The following PPP1R13B variants were observed in gnomAD, a reference collection of about 807,000 sequenced individuals.
PPP1R13B encodes protein phosphatase 1 regulatory subunit 13B.
In PPP1R13B, 44 loss-of-function variants were observed where a neutral mutation model predicts 119.8. The observed-to-expected ratio is 0.37, with a 90% CI of 0.29 to 0.47. The LOEUF is 0.47. PPP1R13B is among the 20% of genes least tolerant of loss of function. PPP1R13B has a pLI of 0.99. For synonymous variants in PPP1R13B, 542 were observed against 561.5 expected (o/e 0.97, Z 0.49); for missense variants, 1,227 against 1,413.5 (o/e 0.87, Z 2.12).
intron 4 of PPP1R13B, among the ~76,000 whole-genome samples, chr14:103,768,142 T>A (rs2084979714): frequency 1.4e-5 from 2 of 146,938 alleles, no homozygotes; most frequent in South Asian, 4.3e-4. Flanking sequence ...TGAGATGGAG[T>A]CTCACTCTGT....
chr14:103,737,538 T>C, intron 15 of PPP1R13B, 156 bp downstream of exon 15: 1 of 968,606 alleles, frequency 1.0e-6, no homozygotes, highest in Non-Finnish European at 1.5e-6. Context: ...ATTGCGACAT[T>C]GCACTCCAGC....
intron 8 of PPP1R13B, 152 bp from the exon 9 acceptor site, chr14:103,746,705 G>A (rs889108685): frequency 3.3e-6 from 2 of 601,642 alleles, no homozygotes; most frequent in South Asian, 2.5e-5. Context: ...CATCTAGAAG[G>A]GGAGACTGTG....
chr14:103,757,289 A>G (rs924030569), intron 5 of PPP1R13B, among the ~76,000 whole-genome samples: 3 of 151,610 alleles, frequency 2.0e-5, no homozygotes, highest in Admixed American at 2.0e-4. Flanking sequence ...CCTGGGCTCC[A>G]GCAATCCTCC....
chr14:103,826,078 T>C (rs2152073178), intron 1 of PPP1R13B, among the ~76,000 whole-genome samples: 1 of 152,256 alleles, frequency 6.6e-6, no homozygotes, highest in South Asian at 2.1e-4. Flanking sequence ...GGTTTCACCA[T>C]GTTGGTCAGG....
At position 103,739,834 on chromosome 14, in the gene PPP1R13B, G is replaced by A. The variant is rs771777322; in HGVS notation, c.2582C>T (p.Ala861Val). The change falls in exon 12 of 17, where the codon GCC becomes GTC. Residue 861 changes from alanine to valine, a missense_variant. By Grantham distance (64) the Ala-to-Val change is moderately conservative. Coordinates refer to ENST00000202556, the MANE Select transcript of PPP1R13B (RefSeq NM_015316.3). ...AGCAATGACACCCACCGTGGAGGTG[G>A]CAGGAGGGTGGCTGGCAGGGGGAAG... Reference protein sequence around the residue: ...APLPPASHPPATSTNKRTNLK... With the variant: ...APLPPASHPPVTSTNKRTNLK... 14 of 1,607,186 alleles carry A rather than the reference G, an allele frequency of 8.7e-6. No individual in the cohort carries two copies. The highest frequency in any genetic ancestry group is 1.0e-5 in the Non-Finnish European group (12 of 1,175,554).
chr14:103,846,014 C>G (rs890657495), intron 1 of PPP1R13B, among the ~76,000 whole-genome samples: 5 of 152,152 alleles, frequency 3.3e-5, no homozygotes, highest in African/African-American at 1.2e-4. Context: ...GAGGTAATTC[C>G]AGGCTCAAAG....
intron 1 of PPP1R13B, among the ~76,000 whole-genome samples, chr14:103,805,268 G>GT (rs1449871996): frequency 6.6e-6 from 1 of 152,094 alleles, no homozygotes; most frequent in African/African-American, 2.4e-5. Context: ...ACTGTTCATA[G>GT]TAGCCAAAAA....
Position 103,784,786 on chromosome 14 carries a change from G to A in PPP1R13B, c.277+9C>T, listed in dbSNP as rs1424524880. 3 of 1,567,196 alleles carry A rather than the reference G, an allele frequency of 1.9e-6. No homozygotes were observed. Among genetic ancestry groups the A allele is most frequent in the Non-Finnish European group, 2.6e-6 (3 of 1,149,874 alleles). ...AAATTAACAAATGAGGAAGAAAGCA[G>A]TTATCTACCTTGTTCACTGTTCTCA... On this transcript the variant is annotated intron_variant, in intron 3 of 16. Transcript: ENST00000202556.
At chr14:103,808,469 C>CAT (rs917062927) in intron 1 of PPP1R13B, among the ~76,000 whole-genome samples, 2 of 152,050 alleles carry the variant, frequency 1.3e-5, no homozygotes, top group Non-Finnish European at 2.9e-5. Flanking sequence ...CATTAAAAAA[C>CAT]ATATATATAT....
At chr14:103,818,886 CTA>C (rs1340036679) in intron 1 of PPP1R13B, among the ~76,000 whole-genome samples, 1 of 151,800 alleles carries the variant, frequency 6.6e-6, no homozygotes, top group Non-Finnish European at 1.5e-5. Flanking sequence ...CTAGGTGGTA[CTA>C]TATAGTATGG....
chr14:103,756,196 A>T (rs1353812421), intron 5 of PPP1R13B, among the ~76,000 whole-genome samples: 1 of 151,764 alleles, frequency 6.6e-6, no homozygotes, highest in African/African-American at 2.4e-5. Flanking sequence ...CGGCTTCAAG[A>T]GATTCTCCTG....
At chr14:103,839,179 A>AT (rs2086845779) in intron 1 of PPP1R13B, among the ~76,000 whole-genome samples, 1 of 151,914 alleles carries the variant, frequency 6.6e-6, no homozygotes, top group Non-Finnish European at 1.5e-5. Context: ...CACCCAGCTA[A>AT]TTTTTTGTAT....
intron 4 of PPP1R13B, among the ~76,000 whole-genome samples, chr14:103,758,679 G>A (rs2084734248): frequency 6.6e-6 from 1 of 152,166 alleles, no homozygotes; most frequent in African/African-American, 2.4e-5. Flanking sequence ...CTAGAGGCAC[G>A]CAGCTCATTA....
At chr14:103,794,061 AAG>A (rs1237864702) in intron 2 of PPP1R13B, among the ~76,000 whole-genome samples, 10 of 152,226 alleles carry the variant, frequency 6.6e-5, no homozygotes, top group East Asian at 1.9e-4. Flanking sequence ...CTACAAGTCA[AAG>A]AGAGAGAGAG....
intron 4 of PPP1R13B, among the ~76,000 whole-genome samples, chr14:103,762,420 C>G (rs2084828326): frequency 1.5e-5 from 2 of 129,522 alleles, no homozygotes; most frequent in South Asian, 4.8e-4. Context: ...TTATAATAGG[C>G]AAGAACATCT....
At chr14:103,753,995 T>C in intron 6 of PPP1R13B, 75 bp downstream of exon 6, 3 of 1,504,768 alleles carry the variant, frequency 2.0e-6, no homozygotes. Context: ...GACTGAATTG[T>C]CAGGCAGTTA....
rs531980490 is a variant in PPP1R13B, at chr14:103,754,313, C to G, written c.457-69G>C. 6.9e-5 allele frequency: 102 copies of G among 1,480,688 alleles called. No individual in the cohort carries two copies. In the South Asian group the frequency reaches 9.0e-4, roughly 13 times the overall value. The allele number at this position is 1,480,688 out of a possible 1,614,324, so 91.7% of individuals were successfully genotyped here. On this transcript the variant is annotated intron_variant, in intron 5 of 16. Coordinates refer to ENST00000202556, the MANE Select transcript of PPP1R13B (RefSeq NM_015316.3). ...GGCGCGGTGGCTCACATCTGTAATT[C>G]CAGCACTTTGAGAGGCTGAGGTAGG... is the stretch of plus-strand genomic sequence containing the variant.
rs1388462785 is a variant in PPP1R13B, at chr14:103,738,740, G to A, written c.2803C>T (p.His935Tyr). ...LHNAVCAGHHHIVKFLLDFGV... is the reference protein window; with the variant it reads ...LHNAVCAGHHYIVKFLLDFGV... ...AAATCCAGCAGGAACTTCACGATGT[G>A]ATGGTGGCCGGCGCAGACGGCGTTG... The change falls in exon 14 of 17, where the codon CAC (histidine) becomes TAC (tyrosine). Residue 935 changes from histidine to tyrosine, a missense_variant. Coordinates refer to ENST00000202556, the MANE Select transcript of PPP1R13B (RefSeq NM_015316.3). The surrounding 1 kb of genome is among the most constrained non-coding windows in gnomAD (Gnocchi z 5.6). 2 of 1,614,230 alleles carry A rather than the reference G, an allele frequency of 1.2e-6. No homozygotes were observed. Among genetic ancestry groups the A allele is most frequent in the Non-Finnish European group, 1.7e-6 (2 of 1,180,044 alleles).
chr14:103,753,954 G>T, intron 6 of PPP1R13B, 116 bp downstream of exon 6: 1 of 1,269,144 alleles, frequency 7.9e-7, no homozygotes, highest in Non-Finnish European at 1.1e-6. Context: ...CAAAACTTGA[G>T]CACGCTTGCT....
Sources: gnomAD v4.1 joint callset for allele counts (sites outside exome capture counted in the v4.1 genomes callset) on GRCh38, gnomAD v4.1.1 for gene constraint, Gnocchi (gnomAD v3.1) non-coding constraint, MANE v1.5 for transcripts, NCBI Gene and HGNC (gene_info 2026-07-23, HGNC 2026-07-21) for gene names.